Variants in REDIC1 observed in about 807,000 individuals in gnomAD.
The protein encoded by REDIC1 is regulator of DNA class I crossover intermediates 1.
chr12:39,653,558 T>TTCTTCTTTTTCTTCTTCTTC, the REDIC1 span, among the ~76,000 whole-genome samples: 1 of 43,844 alleles, frequency 2.3e-5, no homozygotes, highest in African/African-American at 6.9e-5. Flanking sequence ...CTTCTTCTTC[T>TTCTTCTTTTTCTTCTTCTTC]TTCTTCTTCT....
At chr12:39,734,819 G>T in the REDIC1 span, among the ~76,000 whole-genome samples, 4 of 152,154 alleles carry the variant, frequency 2.6e-5, no homozygotes, top group African/African-American at 9.7e-5. Context: ...AGACTTGGTT[G>T]CTTGCATTTC....
chr12:39,647,999 T>C, the REDIC1 span: 13 of 1,374,808 alleles, frequency 9.5e-6, no homozygotes, highest in Admixed American at 2.7e-5. Context: ...TCATTAGTTC[T>C]TAGCATTTTA....
the REDIC1 span, among the ~76,000 whole-genome samples, chr12:39,711,352 TATATATAC>T: frequency 6.8e-6 from 1 of 147,266 alleles, no homozygotes; most frequent in Non-Finnish European, 1.5e-5. Context: ...CATCTATATG[TATATATAC>T]ATATATACAC....
At chr12:39,864,728 C>A in the REDIC1 span, 1 of 1,608,016 alleles carries the variant, frequency 6.2e-7, no homozygotes. Context: ...TTACCAGAGT[C>A]ATGTAAAGGA....
chr12:39,723,826 A>G, the REDIC1 span, among the ~76,000 whole-genome samples: 8 of 152,152 alleles, frequency 5.3e-5, no homozygotes, highest in Non-Finnish European at 1.2e-4. Context: ...TCCATCTGTA[A>G]TAAGATGAGA....
At chr12:39,642,385 A>C in the REDIC1 span, among the ~76,000 whole-genome samples, 31 of 151,398 alleles carry the variant, frequency 2.0e-4, no homozygotes, top group African/African-American at 7.0e-4. Context: ...TCATCCATCT[A>C]TCTTAGAACT....
At chr12:39,719,287 G>A in the REDIC1 span, among the ~76,000 whole-genome samples, 23 of 152,084 alleles carry the variant, frequency 1.5e-4, no homozygotes, top group African/African-American at 5.6e-4. Context: ...CATTTTAAAT[G>A]TGTATGCATA....
the REDIC1 span, among the ~76,000 whole-genome samples, chr12:39,679,536 G>A: frequency 6.6e-6 from 1 of 152,174 alleles, no homozygotes; most frequent in East Asian, 1.9e-4. Context: ...TCATGGATGT[G>A]TAGAATTAAT....
the REDIC1 span, among the ~76,000 whole-genome samples, chr12:39,718,768 T>G: frequency 2.0e-5 from 3 of 152,144 alleles, no homozygotes; most frequent in Non-Finnish European, 4.4e-5. Context: ...CATCTGGGAA[T>G]GTGTCTGCTG....
chr12:39,812,400 TTCTTC>T, the REDIC1 span, among the ~76,000 whole-genome samples: 4 of 146,050 alleles, frequency 2.7e-5, no homozygotes, highest in Admixed American at 1.4e-4. Flanking sequence ...CTCTCTCTCT[TTCTTC>T]CTTCCTTCCT....
chr12:39,718,343 G>C, the REDIC1 span, among the ~76,000 whole-genome samples: 1 of 152,050 alleles, frequency 6.6e-6, no homozygotes, highest in East Asian at 1.9e-4. Context: ...GGGATTCTGG[G>C]TGGCCAGGGG....
chr12:39,876,012 A>G, the REDIC1 span, among the ~76,000 whole-genome samples: 1 of 152,206 alleles, frequency 6.6e-6, no homozygotes, highest in Non-Finnish European at 1.5e-5. Context: ...TCCTTTTTAG[A>G]CTCAAAGCAG....
chr12:39,682,568 A>G, the REDIC1 span: 2 of 1,419,700 alleles, frequency 1.4e-6, no homozygotes, highest in Non-Finnish European at 1.9e-6. Context: ...AATGCAAATA[A>G]TCCATGCTTT....
At chr12:39,770,722 A>T in the REDIC1 span, among the ~76,000 whole-genome samples, 1 of 152,152 alleles carries the variant, frequency 6.6e-6, no homozygotes, top group Non-Finnish European at 1.5e-5. Context: ...GCCCCTCATG[A>T]CATTTCTATT....
chr12:39,830,133 T>C, the REDIC1 span: 1 of 1,613,722 alleles, frequency 6.2e-7, no homozygotes, highest in Non-Finnish European at 8.5e-7. Context: ...TGTAGATGCT[T>C]TATTAACTGG....
chr12:39,859,776 T>A, the REDIC1 span, among the ~76,000 whole-genome samples: 1 of 152,160 alleles, frequency 6.6e-6, no homozygotes, highest in Admixed American at 6.5e-5. Flanking sequence ...TCCGCCTGAC[T>A]TGGCCTCCCA....
the REDIC1 span, among the ~76,000 whole-genome samples, chr12:39,785,619 G>A: frequency 6.6e-6 from 1 of 152,136 alleles, no homozygotes; most frequent in Non-Finnish European, 1.5e-5. Context: ...ACCCCAGAAT[G>A]GTAGATCCAC....
the REDIC1 span, among the ~76,000 whole-genome samples, chr12:39,626,932 C>T: frequency 3.0e-4 from 45 of 152,234 alleles, no homozygotes; most frequent in Non-Finnish European, 5.6e-4. Flanking sequence ...TCACATAAAG[C>T]GTGATAGATT....
the REDIC1 span, among the ~76,000 whole-genome samples, chr12:39,848,409 G>A: frequency 6.6e-6 from 1 of 151,938 alleles, no homozygotes; most frequent in Non-Finnish European, 1.5e-5. Flanking sequence ...TGCAGCCAAG[G>A]AGCATATGAA....
Sources: allele counts gnomAD v4.1 joint callset (sites outside exome capture counted in the v4.1 genomes callset), GRCh38; gene constraint gnomAD v4.1.1; transcripts MANE v1.5; gene names NCBI Gene and HGNC (gene_info 2026-07-23, HGNC 2026-07-21).